The following TCF12 variants were observed in gnomAD, a reference collection of about 807,000 sequenced individuals.
TCF12 encodes DNA-binding protein HTF4.
TCF12 carries 45 observed loss-of-function variants against 86.0 expected under a neutral mutation model. The ratio of observed to expected loss-of-function variants is 0.52; its 90% CI spans 0.41 to 0.67. The LOEUF (loss-of-function observed/expected upper bound fraction) is 0.67, where lower values mean the gene tolerates loss of function less well. Ranked by LOEUF, TCF12 falls within the 30% of genes least tolerant of loss-of-function variation. The probability of loss-of-function intolerance (pLI) is 0.00; values close to 1 mark genes in which losing one functional copy is unlikely to be tolerated. For synonymous variants in TCF12, 330 were observed against 299.6 expected, an observed-to-expected ratio of 1.10 and a Z score of -1.05; for missense variants, 881 against 859.9, an observed-to-expected ratio of 1.02 and a Z score of -0.31.
intron 4 of TCF12, among the ~76,000 whole-genome samples, chr15:57,075,978 C>T (rs933901110): frequency 6.6e-6 from 1 of 150,806 alleles, no homozygotes; most frequent in Non-Finnish European, 1.5e-5. Context: ...ATCCTCTGCC[C>T]CTGTCTCCCA....
At chr15:57,285,309 T>G (rs1399335504) in intron 20 of TCF12, among the ~76,000 whole-genome samples, 1 of 152,194 alleles carries the variant, frequency 6.6e-6, no homozygotes, top group Non-Finnish European at 1.5e-5. Flanking sequence ...TATTGTTTAA[T>G]AAGGAAGTAA....
At chr15:57,007,302 TTCTG>T (rs1346818594) in intron 3 of TCF12, among the ~76,000 whole-genome samples, 14 of 152,214 alleles carry the variant, frequency 9.2e-5, no homozygotes, top group African/African-American at 3.4e-4. Context: ...GGTCAGTATT[TTCTG>T]TCTTTCCCCA....
At chr15:56,954,187 C>T (rs540326606) in intron 3 of TCF12, among the ~76,000 whole-genome samples, 1 of 152,038 alleles carries the variant, frequency 6.6e-6, no homozygotes, top group Admixed American at 6.5e-5. Context: ...GTGTGTTATT[C>T]ATGCTCCACA....
At chr15:56,961,677 C>G (rs1435322121) in intron 3 of TCF12, among the ~76,000 whole-genome samples, 2 of 152,100 alleles carry the variant, frequency 1.3e-5, no homozygotes, top group Non-Finnish European at 1.5e-5. Flanking sequence ...TGAGAAAACA[C>G]TTTAGATCTC....
intron 6 of TCF12, among the ~76,000 whole-genome samples, chr15:57,189,498 T>G (rs1443754476): frequency 2.0e-5 from 3 of 152,172 alleles, no homozygotes; most frequent in African/African-American, 7.2e-5. Context: ...CCCAATATCA[T>G]TAGTCATTAG....
chr15:57,260,415 T>C (rs2060535308), intron 16 of TCF12, among the ~76,000 whole-genome samples: 2 of 152,196 alleles, frequency 1.3e-5, no homozygotes, highest in Admixed American at 1.3e-4. Flanking sequence ...CTTACATAGC[T>C]ATAAAATGTT....
At position 57,050,489 on chromosome 15, in the gene TCF12, G is replaced by A. The variant is rs972888363; in HGVS notation, c.149-13261G>A. Among the ~76,000 whole-genome samples, 39 of 151,790 alleles carry A rather than the reference G, an allele frequency of 2.6e-4. 1 individual carries two copies. Among genetic ancestry groups the A allele is most frequent in the African/African-American group, 9.0e-4 (37 of 41,320 alleles). ...GTGAATTGAAGATTTCTTTCTTTGC[G>A]TTTGCACTTTAACATTTTTACTATT... On this transcript the variant is annotated intron_variant, in intron 3 of 20. Coordinates refer to ENST00000333725, the MANE Select transcript of TCF12 (RefSeq NM_207037.2).
intron 5 of TCF12, among the ~76,000 whole-genome samples, chr15:57,149,667 G>A (rs976879404): frequency 6.6e-6 from 1 of 152,104 alleles, no homozygotes; most frequent in Non-Finnish European, 1.5e-5. Flanking sequence ...GTAAAGTCTC[G>A]CTGAGTAGGA....
At chr15:56,964,130 A>G (rs1401634751) in intron 3 of TCF12, among the ~76,000 whole-genome samples, 3 of 152,180 alleles carry the variant, frequency 2.0e-5, no homozygotes, top group Admixed American at 6.5e-5. Flanking sequence ...TTTTATTTGT[A>G]TGAGGTTTTC....
chr15:57,270,271 T>A (rs1321715490), intron 18 of TCF12, among the ~76,000 whole-genome samples: 1 of 152,234 alleles, frequency 6.6e-6, no homozygotes, highest in Non-Finnish European at 1.5e-5. Context: ...CACTCTTTTT[T>A]CTCTAAGCTT....
chr15:57,050,806 C>G (rs2067561235), intron 3 of TCF12, among the ~76,000 whole-genome samples: 1 of 152,064 alleles, frequency 6.6e-6, no homozygotes, highest in African/African-American at 2.4e-5. Flanking sequence ...TTAAGCTTAT[C>G]CAGTGAAATT....
chr15:57,077,381 A>AT (rs11461802), intron 4 of TCF12, among the ~76,000 whole-genome samples: 14,090 of 108,394 alleles, frequency 0.13, 1,697 homozygotes, highest in Admixed American at 0.24. Flanking sequence ...GTGTATATAT[A>AT]TTTTTTTTTT....
intron 4 of TCF12, among the ~76,000 whole-genome samples, chr15:57,090,374 G>A (rs1473594033): frequency 1.3e-5 from 2 of 152,304 alleles, no homozygotes; most frequent in African/African-American, 2.4e-5. Context: ...GTCATAAGTT[G>A]TGAATGGCAC....
At chr15:57,007,796 T>TTCTTTCTTTCTTTCTTTCTTTCTC (rs2064505255) in intron 3 of TCF12, among the ~76,000 whole-genome samples, 18 of 136,794 alleles carry the variant, frequency 1.3e-4, no homozygotes, top group African/African-American at 5.0e-4. Flanking sequence ...CTTTCTCTCT[T>TTCTTTCTTTCTTTCTTTCTTTCTC]TCTTTCTTTC....
At chr15:57,215,405 T>G (rs2058291735) in intron 8 of TCF12, among the ~76,000 whole-genome samples, 1 of 152,170 alleles carries the variant, frequency 6.6e-6, no homozygotes, top group Admixed American at 6.5e-5. Context: ...CAATAATTTA[T>G]TACTTACCGA....
chr15:57,210,812 A>G (rs2058071886), intron 8 of TCF12, among the ~76,000 whole-genome samples: 1 of 152,200 alleles, frequency 6.6e-6, no homozygotes, highest in African/African-American at 2.4e-5. Context: ...TTTATCCTGT[A>G]AACTTTCCAA....
intron 12 of TCF12, 138 bp from the exon 13 acceptor site, chr15:57,243,333 CT>C (rs2059715245): frequency 1.6e-6 from 1 of 636,346 alleles, no homozygotes; most frequent in African/African-American, 1.8e-5. Context: ...ATGAAACAGT[CT>C]AAAACTTGAC....
intron 13 of TCF12, chr15:57,247,468 A>G (rs2059917220): frequency 1.4e-6 from 1 of 724,686 alleles, no homozygotes; most frequent in African/African-American, 1.7e-5. Flanking sequence ...CTTCACAGTT[A>G]TGCCCATTAA....
intron 8 of TCF12, among the ~76,000 whole-genome samples, chr15:57,206,324 A>G (rs970222477): frequency 3.3e-5 from 5 of 152,136 alleles, no homozygotes; most frequent in Non-Finnish European, 1.5e-5. Flanking sequence ...AACATAGTGA[A>G]ACCCCTTCTC....
Sources: allele counts gnomAD v4.1 joint callset (sites outside exome capture counted in the v4.1 genomes callset), GRCh38; gene constraint gnomAD v4.1.1; transcripts MANE v1.5; gene names NCBI Gene and HGNC (gene_info 2026-07-23, HGNC 2026-07-21).